Variants in GIN1 observed in about 807,000 individuals in gnomAD.
The protein encoded by GIN1 is gypsy retrotransposon integrase-like protein 1.
A neutral mutation model predicts 51.4 loss-of-function variants in GIN1; 41 were observed. The ratio of observed to expected loss-of-function variants is 0.80; its 90% CI spans 0.62 to 1.04. The LOEUF is 1.04. Among genes scored for constraint, GIN1 ranks in the 50% least tolerant of loss-of-function variants. The probability of loss-of-function intolerance (pLI) is 0.00; values close to 1 mark genes in which losing one functional copy is unlikely to be tolerated. For synonymous variants in GIN1, 222 were observed against 206.5 expected (o/e 1.07, Z -0.64); for missense variants, 610 against 612.4 (o/e 1.00, Z 0.04).
chr5:103,108,001 G>A (rs1787773613), intron 2 of GIN1, among the ~76,000 whole-genome samples: 1 of 151,928 alleles, frequency 6.6e-6, no homozygotes, highest in African/African-American at 2.4e-5. Flanking sequence ...TTTATAAGGG[G>A]AAAAAGAGGC....
Position 103,097,370 on chromosome 5 carries a change from C to G in GIN1, c.952G>C (p.Asp318His). The G allele has an allele frequency of 9.4e-6, 15 of 1,600,608 alleles. No homozygotes were observed. The highest frequency in any genetic ancestry group is 1.3e-5 in the Non-Finnish European group (15 of 1,168,026). The change falls in exon 6 of 8, where the codon GAT becomes CAT. Residue 318 changes from aspartate to histidine, a missense_variant. Asp to His is a moderately conservative substitution (Grantham distance 81, BLOSUM62 -1). Coordinates refer to ENST00000399004, the MANE Select transcript of GIN1 (RefSeq NM_017676.2). ...ATTTTATCAGCTTCTTTAATTGCAT[C>G]TAGAATTTTGGCAAACATACTTGTA... is the stretch of plus-strand genomic sequence containing the variant. ...DNTSMFAKIL[D>H]AIKEADKIME...
chr5:103,109,645 CCTAAAAAACAGGTTAATTATCT>C (rs1554196710), intron 1 of GIN1, among the ~76,000 whole-genome samples: 1 of 152,070 alleles, frequency 6.6e-6, no homozygotes, highest in Non-Finnish European at 1.5e-5. Context: ...CCCATCATAA[CCTAAAAAACAGGTTAATTATCT>C]CTATAAAGTA....
chr5:103,110,783 T>C (rs1402376314), intron 1 of GIN1, among the ~76,000 whole-genome samples: 3 of 152,212 alleles, frequency 2.0e-5, no homozygotes, highest in South Asian at 4.1e-4. Flanking sequence ...AAAATGTTCA[T>C]AGATATTTTA....
At chr5:103,100,503 C>T (rs1308868049) in intron 4 of GIN1, among the ~76,000 whole-genome samples, 1 of 152,058 alleles carries the variant, frequency 6.6e-6, no homozygotes, top group African/African-American at 2.4e-5. Context: ...GCAATCCTTA[C>T]ACGTTAGCCT....
At chr5:103,108,052 T>C (rs1009743151) in intron 2 of GIN1, among the ~76,000 whole-genome samples, 1 of 152,094 alleles carries the variant, frequency 6.6e-6, no homozygotes, top group Non-Finnish European at 1.5e-5. Flanking sequence ...TCCCACTGCC[T>C]TTCAAATATT....
At chr5:103,113,389 G>A (rs1787938447) in intron 1 of GIN1, among the ~76,000 whole-genome samples, 1 of 152,106 alleles carries the variant, frequency 6.6e-6, no homozygotes, top group Non-Finnish European at 1.5e-5. Flanking sequence ...CTTATAGGCA[G>A]CTGTCTTCTC....
At chr5:103,100,401 ATTATTT>A (rs1218412463) in intron 4 of GIN1, among the ~76,000 whole-genome samples, 2 of 150,234 alleles carry the variant, frequency 1.3e-5, no homozygotes, top group Non-Finnish European at 3.0e-5. Context: ...TATTATTATT[ATTATTT>A]TTTTGAGACA....
intron 7 of GIN1, among the ~76,000 whole-genome samples, chr5:103,096,107 C>T (rs1430845388): frequency 6.6e-6 from 1 of 152,066 alleles, no homozygotes; most frequent in Non-Finnish European, 1.5e-5. Flanking sequence ...TTTGGGAAGT[C>T]AAGGCGGGCA....
At chr5:103,089,348 C>T (rs782076546) in intron 7 of GIN1, among the ~76,000 whole-genome samples, 2 of 152,170 alleles carry the variant, frequency 1.3e-5, no homozygotes, top group South Asian at 4.1e-4. Flanking sequence ...TGATTAACTT[C>T]CTGGATCCCT....
Position 103,096,552 on chromosome 5 carries a change from G to T in GIN1, c.1283C>A (p.Ser428Tyr), listed in dbSNP as rs782446898. 1.9e-6 allele frequency: 3 copies of T among 1,604,532 alleles called. No homozygotes were observed. In the East Asian group the frequency reaches 6.7e-5, roughly 36 times the overall value. ...MSHLKPYIRE[S>Y]SEQESLYLLQ... ...TGACAGATATTTACCTTGTTCACTG[G>T]ATTCTCTTATGTAGGGCTTAAGGTG... The change falls in exon 7 of 8, where the codon TCC becomes TAC. Residue 428 changes from serine to tyrosine, a missense_variant. Transcript: ENST00000399004.
intron 3 of GIN1, chr5:103,106,447 C>A (rs1168979390): frequency 3.7e-6 from 1 of 267,790 alleles, no homozygotes; most frequent in Non-Finnish European, 6.9e-6. Flanking sequence ...ATTCTGCCTA[C>A]ACAAAAAAGT....
chr5:103,101,656 T>C (rs1554195811), intron 4 of GIN1, among the ~76,000 whole-genome samples: 1 of 152,250 alleles, frequency 6.6e-6, no homozygotes, highest in Middle Eastern at 3.2e-3. Flanking sequence ...TGGTGAATGC[T>C]AGATGATATC....
intron 4 of GIN1, among the ~76,000 whole-genome samples, chr5:103,101,300 G>A (rs186031993): frequency 6.2e-4 from 94 of 152,290 alleles, no homozygotes; most frequent in East Asian, 2.3e-3. Flanking sequence ...GATGATTCAC[G>A]TCCCAGTTGG....
intron 1 of GIN1, among the ~76,000 whole-genome samples, chr5:103,117,157 GGATA>G (rs1237526180): frequency 5.3e-5 from 8 of 151,846 alleles, no homozygotes; most frequent in Non-Finnish European, 1.2e-4. Context: ...ACTGGTGAAT[GGATA>G]AACAAATTAC....
At chr5:103,100,320 G>A (rs559950014) in intron 4 of GIN1, among the ~76,000 whole-genome samples, 7 of 151,820 alleles carry the variant, frequency 4.6e-5, no homozygotes, top group Admixed American at 2.6e-4. Flanking sequence ...GGCTAGTCTC[G>A]ATCTCCTAGG....
At position 103,098,336 on chromosome 5, in the gene GIN1, A is replaced by T. The variant is rs546207981; in HGVS notation, c.640-555T>A. On this transcript the variant is annotated intron_variant, in intron 4 of 7. Coordinates refer to ENST00000399004, the MANE Select transcript of GIN1 (RefSeq NM_017676.2). The stretch of plus-strand genomic sequence containing the variant: ...CTTTACATTATTGTCATTAAACCTT[A>T]CAAGTTTTTGAGGTATTATTAATTT... 8.2e-4 allele frequency among the ~76,000 whole-genome samples: 62 copies of T among 75,546 alleles called. 1 individual carries two copies. The South Asian group carries it at 0.012, about 15-fold the overall frequency. 49.6% of individuals were successfully genotyped at this position (75,546 alleles called of 152,430 possible).
At chr5:103,112,612 T>A (rs1409642733) in intron 1 of GIN1, among the ~76,000 whole-genome samples, 2 of 152,148 alleles carry the variant, frequency 1.3e-5, no homozygotes, top group East Asian at 3.9e-4. Flanking sequence ...CCCTAAATGG[T>A]ATATCCTTCC....
At chr5:103,089,329 T>C (rs1554194265) in intron 7 of GIN1, among the ~76,000 whole-genome samples, 1 of 152,206 alleles carries the variant, frequency 6.6e-6, no homozygotes, top group African/African-American at 2.4e-5. Flanking sequence ...GAAACTCTTT[T>C]ACCAAAGCTG....
chr5:103,101,553 C>T (rs1157616842), intron 4 of GIN1, among the ~76,000 whole-genome samples: 1 of 152,182 alleles, frequency 6.6e-6, no homozygotes, highest in Non-Finnish European at 1.5e-5. Flanking sequence ...CCGGCGCTAT[C>T]ACTTTCTTGT....
Sources: gnomAD v4.1 joint callset for allele counts (sites outside exome capture counted in the v4.1 genomes callset) on GRCh38, gnomAD v4.1.1 for gene constraint, MANE v1.5 for transcripts, NCBI Gene and HGNC (gene_info 2026-07-23, HGNC 2026-07-21) for gene names.